ROR2: variants seen among roughly 807,000 people sequenced by gnomAD.
ROR2 encodes the protein tyrosine-protein kinase transmembrane receptor ROR2.
ROR2 carries 33 observed loss-of-function variants against 74.9 expected under a neutral mutation model. The ratio of observed to expected loss-of-function variants is 0.44; its 90% CI spans 0.33 to 0.59. The LOEUF (loss-of-function observed/expected upper bound fraction) is 0.59, where lower values mean the gene tolerates loss of function less well. Among genes scored for constraint, ROR2 ranks in the 20% least tolerant of loss-of-function variants. ROR2 has a pLI of 0.02. For synonymous variants in ROR2, 586 were observed against 558.7 expected, an observed-to-expected ratio of 1.05 and a Z score of -0.69; for missense variants, 1,216 against 1,313.8, an observed-to-expected ratio of 0.93 and a Z score of 1.15.
At chr9:91,728,124 C>T (rs1051624471) in intron 7 of ROR2, among the ~76,000 whole-genome samples, 16 of 152,178 alleles carry the variant, frequency 1.1e-4, no homozygotes, top group African/African-American at 3.9e-4. Context: ...TGTGAGCTCA[C>T]ACTGACACCA....
At position 91,733,186 on chromosome 9, in the gene ROR2, C is replaced by A; in HGVS notation, c.873G>T (p.Met291Ile). ...LQLPKCEALPMPESPDAANCM... is the reference protein window; with the variant it reads ...LQLPKCEALPIPESPDAANCM... ...AGTTGGCAGCGTCGGGGCTCTCAGGCATGGGCAGCGCCTCACACTTGGGCA... is the reference window on the plus strand; with the variant it reads ...AGTTGGCAGCGTCGGGGCTCTCAGGAATGGGCAGCGCCTCACACTTGGGCA... The change falls in exon 6 of 9, where the codon ATG (methionine) becomes ATT (isoleucine). Residue 291 changes from methionine to isoleucine, a missense_variant. Coordinates refer to ENST00000375708, the MANE Select transcript of ROR2 (RefSeq NM_004560.4). The surrounding 1 kb of genome is among the most constrained non-coding windows in gnomAD (Gnocchi z 5.7). 6.2e-7 allele frequency: 1 copy of A among 1,610,108 alleles called. No individual in the cohort carries two copies. The highest frequency in any genetic ancestry group is 8.5e-7 in the Non-Finnish European group (1 of 1,179,004).
chr9:91,813,295 G>C (rs1359636739), intron 1 of ROR2, among the ~76,000 whole-genome samples: 1 of 152,162 alleles, frequency 6.6e-6, no homozygotes, highest in East Asian at 1.9e-4. Flanking sequence ...ACAAATTACA[G>C]CTGTTGATGT....
At position 91,940,095 on chromosome 9, in the gene ROR2, A is replaced by C. The variant is rs960162553; in HGVS notation, c.97+9772T>G. 2.0e-5 allele frequency among the ~76,000 whole-genome samples: 3 copies of C among 152,336 alleles called. No homozygotes were observed. The South Asian group carries it at 6.2e-4, about 32-fold the overall frequency. On this transcript the variant is annotated intron_variant, in intron 1 of 8. Transcript: ENST00000375708. The stretch of plus-strand genomic sequence containing the variant: ...CACCTTCCAGAATTCGGAGCTTCCA[A>C]GCCCACGGGAACCCCAGAGCACAGC...
intron 2 of ROR2, among the ~76,000 whole-genome samples, chr9:91,773,020 C>T (rs886570801): frequency 3.9e-5 from 6 of 152,206 alleles, no homozygotes; most frequent in East Asian, 1.9e-4. Context: ...ATGCATCTTC[C>T]TAAGTGCATC....
At position 91,726,781 on chromosome 9, in the gene ROR2, A is replaced by T. The variant is rs1419945976; in HGVS notation, c.1184-38T>A. On this transcript the variant is annotated intron_variant, in intron 7 of 8. Transcript: ENST00000375708. ...AGGCTTTCGTGATTTTTCAGAAAACATCCCTTTTCTACTCTAAGTTCTCTA... is the reference window on the plus strand; with the variant it reads ...AGGCTTTCGTGATTTTTCAGAAAACTTCCCTTTTCTACTCTAAGTTCTCTA... The T allele has an allele frequency of 2.5e-6, 4 of 1,599,852 alleles. No homozygotes were observed. The South Asian group carries it at 4.4e-5, about 18-fold the overall frequency.
intron 2 of ROR2, among the ~76,000 whole-genome samples, chr9:91,765,120 A>T (rs1381558666): frequency 1.3e-5 from 2 of 152,188 alleles, no homozygotes; most frequent in Non-Finnish European, 2.9e-5. Flanking sequence ...ATTTCATAAA[A>T]TATTAAATAT....
At chr9:91,806,943 T>C (rs762758893) in intron 1 of ROR2, among the ~76,000 whole-genome samples, 10 of 152,134 alleles carry the variant, frequency 6.6e-5, no homozygotes, top group Admixed American at 1.3e-4. Flanking sequence ...GTTATAATGT[T>C]GGGGTGCTTT....
chr9:91,811,068 A>C (rs1827733946), intron 1 of ROR2, among the ~76,000 whole-genome samples: 1 of 152,228 alleles, frequency 6.6e-6, no homozygotes, highest in African/African-American at 2.4e-5. Flanking sequence ...CGGCCTGAGG[A>C]GGCTGGCTAG....
intron 1 of ROR2, among the ~76,000 whole-genome samples, chr9:91,849,327 T>C (rs1324682240): frequency 6.6e-6 from 1 of 152,230 alleles, no homozygotes; most frequent in African/African-American, 2.4e-5. Flanking sequence ...AAAGGGGCCC[T>C]GTAGGTAGAA....
chr9:91,831,842 G>A (rs575175993), intron 1 of ROR2, among the ~76,000 whole-genome samples: 1 of 152,276 alleles, frequency 6.6e-6, no homozygotes, highest in African/African-American at 2.4e-5. Flanking sequence ...GGGAAGGACT[G>A]CAGACTTCAG....
At chr9:91,826,876 C>T (rs916247388) in intron 1 of ROR2, among the ~76,000 whole-genome samples, 9 of 152,088 alleles carry the variant, frequency 5.9e-5, no homozygotes, top group Non-Finnish European at 1.5e-5. Flanking sequence ...GAAGGGGAGA[C>T]TCTGAAGGTT....
chr9:91,878,661 C>T (rs1027988619), intron 1 of ROR2, among the ~76,000 whole-genome samples: 6 of 152,262 alleles, frequency 3.9e-5, no homozygotes. Flanking sequence ...CATAGCCCAT[C>T]ATTCTCTGAG....
chr9:91,937,660 G>C (rs1318796087), intron 1 of ROR2, among the ~76,000 whole-genome samples: 1 of 152,154 alleles, frequency 6.6e-6, no homozygotes, highest in Non-Finnish European at 1.5e-5. Flanking sequence ...GGAGCTTCAA[G>C]AAAGGATTCA....
At chr9:91,919,803 G>A (rs1319987887) in intron 1 of ROR2, among the ~76,000 whole-genome samples, 1 of 152,120 alleles carries the variant, frequency 6.6e-6, no homozygotes, top group East Asian at 1.9e-4. Context: ...TTTTCCTCCT[G>A]TACCCTTCCT....
chr9:91,799,306 AGGGAC>A (rs1167179781), intron 1 of ROR2, among the ~76,000 whole-genome samples: 1 of 152,148 alleles, frequency 6.6e-6, no homozygotes, highest in Admixed American at 6.5e-5. Context: ...AGTGGAATCC[AGGGAC>A]GCTGCTCACT....
In ROR2 at chr9:91,821,611, C is replaced by T. The variant is rs1025797036; in HGVS notation, c.98-45793G>A. 4.9e-4 allele frequency among the ~76,000 whole-genome samples: 74 copies of T among 152,310 alleles called. 1 individual carries two copies. Among genetic ancestry groups the T allele is most frequent in the African/African-American group, 1.8e-3 (73 of 41,556 alleles). On this transcript the variant is annotated intron_variant, in intron 1 of 8. Coordinates refer to ENST00000375708, the MANE Select transcript of ROR2 (RefSeq NM_004560.4). ...GCTCACCTGTGAGTCACTTACTCCCCCTGTCCTCGTTCTCCAGCCCTTCCA... is the reference window on the plus strand; with the variant it reads ...GCTCACCTGTGAGTCACTTACTCCCTCTGTCCTCGTTCTCCAGCCCTTCCA...
At chr9:91,826,708 C>T (rs1587758219) in intron 1 of ROR2, among the ~76,000 whole-genome samples, 1 of 151,534 alleles carries the variant, frequency 6.6e-6, no homozygotes, top group Admixed American at 6.6e-5. Context: ...GGCGTGAACC[C>T]GGGAGGCGGA....
chr9:91,826,597 C>A (rs1476379227), intron 1 of ROR2, among the ~76,000 whole-genome samples: 1 of 151,878 alleles, frequency 6.6e-6, no homozygotes, highest in Non-Finnish European at 1.5e-5. Context: ...CTGGCTAACA[C>A]AGTGAAACCC....
chr9:91,935,215 C>T (rs575410867), intron 1 of ROR2, among the ~76,000 whole-genome samples: 2 of 152,348 alleles, frequency 1.3e-5, no homozygotes, highest in East Asian at 1.9e-4. Context: ...CGGCACTCAA[C>T]ATGACTTGGC....
Sources: allele counts gnomAD v4.1 joint callset (sites outside exome capture counted in the v4.1 genomes callset), GRCh38; gene constraint gnomAD v4.1.1; non-coding constraint Gnocchi (gnomAD v3.1); transcripts MANE v1.5; gene names NCBI Gene and HGNC (gene_info 2026-07-23, HGNC 2026-07-21).